Variants in BRD9 observed in about 807,000 individuals in gnomAD.
BRD9 encodes the protein bromodomain containing 9, also known as bromodomain-containing protein 9.
Under a neutral mutation model 68.7 loss-of-function variants are expected in BRD9, and 47 were observed. The observed-to-expected ratio is 0.68, with a 90% CI of 0.54 to 0.87. BRD9 has a LOEUF of 0.87. Among genes scored for constraint, BRD9 ranks in the 40% least tolerant of loss-of-function variants. BRD9 has a pLI of 0.00. For synonymous variants in BRD9, 313 were observed against 293.9 expected (o/e 1.06, Z -0.67); for missense variants, 670 against 748.4 (o/e 0.90, Z 1.22).
chr5:877,895 C>A (rs1169286583), intron 11 of BRD9, among the ~76,000 whole-genome samples: 1 of 152,088 alleles, frequency 6.6e-6, no homozygotes, highest in African/African-American at 2.4e-5. Context: ...CACAGACACA[C>A]GCAGGATGGC....
chr5:880,503 G>C (rs573320775), intron 9 of BRD9, among the ~76,000 whole-genome samples: 1 of 152,212 alleles, frequency 6.6e-6, no homozygotes, highest in East Asian at 1.9e-4. Context: ...AGGCATGAGG[G>C]TGAGAGCGAG....
At chr5:875,915 C>G (rs530425595) in intron 12 of BRD9, among the ~76,000 whole-genome samples, 186 bp downstream of exon 12, 21 of 152,168 alleles carry the variant, frequency 1.4e-4, no homozygotes, top group Non-Finnish European at 2.4e-4. Context: ...GAGTGGTGAG[C>G]ACACAGTCAC....
At chr5:869,294 T>C (rs1228191045) in intron 14 of BRD9, 1 of 456,150 alleles carries the variant, frequency 2.2e-6, no homozygotes, top group East Asian at 6.9e-5. Context: ...AGCATTAACT[T>C]TAAAACAGAA....
chr5:891,463 A>G, intron 2 of BRD9, 176 bp from the exon 3 acceptor site: 1 of 1,308,254 alleles, frequency 7.6e-7, no homozygotes, highest in Non-Finnish European at 1.0e-6. Flanking sequence ...GCTGAGGAAC[A>G]GCACACCCAG....
rs143785775 is a variant in BRD9 at position 870,887 on chromosome 5, G to A, written c.1423-312C>T. On this transcript the variant is annotated intron_variant, in intron 13 of 15. Coordinates refer to ENST00000467963, the MANE Select transcript of BRD9 (RefSeq NM_023924.5). Reference sequence around the variant, plus strand: ...ACATTATGCAACAGGAAGACACACAGAATTTTAGGGTCCAGGACTATTTCT... The same window carrying A: ...ACATTATGCAACAGGAAGACACACAAAATTTTAGGGTCCAGGACTATTTCT... Among the ~76,000 whole-genome samples, 84 of 152,334 alleles carry A rather than the reference G, an allele frequency of 5.5e-4. 3 individuals carry two copies. In the East Asian group the frequency reaches 0.015, roughly 27 times the overall value.
At chr5:881,887 G>C (rs1264084212) in intron 8 of BRD9, 1 of 152,632 alleles carries the variant, frequency 6.6e-6, no homozygotes, top group East Asian at 1.9e-4. Flanking sequence ...TTGATACGAA[G>C]ATTAGGAGAC....
chr5:864,308 ACT>A lies in BRD9; in HGVS notation c.*158_*159del, dbSNP rs1421851988. The A allele has an allele frequency of 1.2e-4, 65 of 560,114 alleles. No individual in the cohort carries two copies. The East Asian group carries it at 1.9e-3, about 17-fold the overall frequency. 34.7% of individuals were successfully genotyped at this position (560,114 alleles called of 1,614,324 possible). ...TCCTCAGGGTTCGTGGGGCTTGGAGACTCTGCTGACATGATACCACAGACAAT... is the reference window on the plus strand; with the variant it reads ...TCCTCAGGGTTCGTGGGGCTTGGAGACTGCTGACATGATACCACAGACAAT... On this transcript the variant is annotated 3_prime_UTR_variant, in exon 16 of 16. Coordinates refer to ENST00000467963, the MANE Select transcript of BRD9 (RefSeq NM_023924.5).
At chr5:891,913 G>A in intron 1 of BRD9, 59 bp from the exon 2 acceptor site, 2 of 1,542,148 alleles carry the variant, frequency 1.3e-6, no homozygotes, top group Non-Finnish European at 1.7e-6. Context: ...CACGCAGCCA[G>A]GTGAGACGTG....
chr5:871,670 G>A lies in BRD9; in HGVS notation c.1384-106C>T, dbSNP rs561785676. 1.2e-4 allele frequency: 129 copies of A among 1,044,096 alleles called. No individual in the cohort carries two copies. The African/African-American group carries it at 1.5e-3, about 12-fold the overall frequency. The allele number at this position is 1,044,096 out of a possible 1,614,324, so 64.7% of individuals were successfully genotyped here. ...GTAAAAATGGCTTGTGCGCTTCTGC[G>A]AATTCTGCTCCCCAGTCACACCATC... On this transcript the variant is annotated intron_variant, in intron 12 of 15. Coordinates refer to ENST00000467963, the MANE Select transcript of BRD9 (RefSeq NM_023924.5).
In BRD9 at chr5:891,703, C is replaced by CTT; in HGVS notation, c.202_203dup (p.Lys69ArgfsTer108). Reference sequence around the variant, plus strand: ...CCTTCTCGGACTTCTTCTTCTTCTTCTTTTTCTTTTCTTTGTGCCTCTCTC... The same window carrying CTT: ...CCTTCTCGGACTTCTTCTTCTTCTTCTTTTTTTCTTTTCTTTGTGCCTCTCTC... On this transcript the variant is annotated frameshift_variant, in exon 2 of 16. Coordinates refer to ENST00000467963, the MANE Select transcript of BRD9 (RefSeq NM_023924.5). LOFTEE classifies it high-confidence loss of function. 6.4e-7 allele frequency: 1 copy of CTT among 1,551,592 alleles called. No individual in the cohort carries two copies.
At chr5:874,183 G>A (rs548240790) in intron 12 of BRD9, among the ~76,000 whole-genome samples, 19 of 152,150 alleles carry the variant, frequency 1.2e-4, no homozygotes, top group African/African-American at 3.1e-4. Context: ...CTGCAGCCTC[G>A]ACCTCCCGGC....
intron 2 of BRD9, 33 bp from the exon 3 acceptor site, chr5:891,320 A>G (rs753913654): frequency 8.4e-6 from 13 of 1,547,048 alleles, no homozygotes; most frequent in Admixed American, 2.0e-5. Flanking sequence ...TGAGAAAGGC[A>G]GGAGTAGGCG....
intron 15 of BRD9, among the ~76,000 whole-genome samples, chr5:864,779 G>C (rs1749097385): frequency 6.6e-6 from 1 of 152,160 alleles, no homozygotes; most frequent in African/African-American, 2.4e-5. Context: ...CACGGATGCT[G>C]CTTCTGAAGG....
chr5:870,036 G>A (rs1413162303), intron 14 of BRD9, among the ~76,000 whole-genome samples: 2 of 152,226 alleles, frequency 1.3e-5, no homozygotes, highest in East Asian at 3.8e-4. Flanking sequence ...ATTCTGCGGG[G>A]TGTCACCCAG....
At chr5:880,912 C>A (rs529125696) in intron 9 of BRD9, among the ~76,000 whole-genome samples, 195 bp downstream of exon 9, 39 of 152,360 alleles carry the variant, frequency 2.6e-4, no homozygotes, top group African/African-American at 8.9e-4. Flanking sequence ...CTGACCAGCA[C>A]CCCCGCCCCG....
rs1310585525 is a variant in BRD9, at chr5:886,526, G to T, written c.833+66C>A. 7.6e-6 allele frequency: 11 copies of T among 1,441,324 alleles called. No individual in the cohort carries two copies. In the African/African-American group the frequency reaches 1.6e-4, roughly 21 times the overall value. 89.3% of individuals were successfully genotyped at this position (1,441,324 alleles called of 1,614,324 possible). On this transcript the variant is annotated intron_variant, in intron 7 of 15. Transcript: ENST00000467963. ...CTCACTCACTCACTCTCCCCTACAA[G>T]GCACCTGCTTTCCTGGCTATGGTGC...
At position 870,553 on chromosome 5, in the gene BRD9, C is replaced by T; in HGVS notation, c.1445G>A (p.Ser482Asn). The T allele has an allele frequency of 1.2e-6, 2 of 1,614,088 alleles. No homozygotes were observed. The highest frequency in any genetic ancestry group is 1.7e-6 in the Non-Finnish European group (2 of 1,179,988). Residue 482 changes from serine to asparagine, a missense_variant, in exon 14 of 16, where the codon AGC becomes AAC. By Grantham distance (46) the Ser-to-Asn change is conservative (BLOSUM62 1). Transcript: ENST00000467963. Reference sequence around the variant, plus strand: ...CATGAACTCCAGAACAGAGCTGCTGCTGTCTCCTAGGGTGTCCCCAACCTG... The same window carrying T: ...CATGAACTCCAGAACAGAGCTGCTGTTGTCTCCTAGGGTGTCCCCAACCTG... The part of the protein sequence containing the change: ...EAKVGDTLGD[S>N]SSSVLEFMSM...
rs940445572 is a variant in BRD9, at chr5:864,596, A to C, written c.1694-28T>G. The C allele has an allele frequency of 2.5e-6, 4 of 1,597,240 alleles. No homozygotes were observed. In the African/African-American group the frequency reaches 5.4e-5, roughly 21 times the overall value. On this transcript the variant is annotated intron_variant, in intron 15 of 15. Transcript: ENST00000467963. ...GCAATTTTCAGAACACAGGACTTCA[A>C]CACACAGGACAGACCCGCAGCACAC...
In BRD9 at chr5:864,289, G is replaced by A; in HGVS notation, c.*179C>T. 1.9e-6 allele frequency: 1 copy of A among 514,570 alleles called. No homozygotes were observed. Among genetic ancestry groups the A allele is most frequent in the Non-Finnish European group, 3.5e-6 (1 of 286,462 alleles). The allele number at this position is 514,570 out of a possible 1,614,324, so 31.9% of individuals were successfully genotyped here. ...CCTTCGCGTATGACTCCACTCCTCA[G>A]GGTTCGTGGGGCTTGGAGACTCTGC... On this transcript the variant is annotated 3_prime_UTR_variant, in exon 16 of 16. Coordinates refer to ENST00000467963, the MANE Select transcript of BRD9 (RefSeq NM_023924.5).
Sources: allele counts gnomAD v4.1 joint callset (sites outside exome capture counted in the v4.1 genomes callset), GRCh38; gene constraint gnomAD v4.1.1; transcripts MANE v1.5; gene names NCBI Gene and HGNC (gene_info 2026-07-23, HGNC 2026-07-21).